The following DSCAM variants were observed in gnomAD, a reference collection of about 807,000 sequenced individuals.
DSCAM encodes DS cell adhesion molecule.
DSCAM carries 47 observed loss-of-function variants against 217.7 expected under a neutral mutation model. That is an observed-to-expected ratio of 0.22 (90% CI 0.17 to 0.28). DSCAM has a LOEUF of 0.28. DSCAM is among the 10% of genes least tolerant of loss of function. DSCAM has a pLI of 1.00. For synonymous variants in DSCAM, 1,056 were observed against 1,015.3 expected (o/e 1.04, Z -0.76); for missense variants, 2,080 against 2,618.3 (o/e 0.79, Z 4.49).
intron 3 of DSCAM, among the ~76,000 whole-genome samples, chr21:40,511,025 A>G (rs1202956735): frequency 6.6e-6 from 1 of 152,210 alleles, no homozygotes; most frequent in Non-Finnish European, 1.5e-5. Context: ...ATTCTACAAA[A>G]TTCCTGACCT....
intron 18 of DSCAM, among the ~76,000 whole-genome samples, chr21:40,136,957 G>A (rs1380955769): frequency 1.3e-5 from 2 of 151,976 alleles, no homozygotes; most frequent in East Asian, 1.9e-4. Flanking sequence ...GGTGGATCAC[G>A]AGGTCAAGAC....
chr21:40,303,544 T>C (rs570001313), intron 9 of DSCAM, among the ~76,000 whole-genome samples: 222 of 152,318 alleles, frequency 1.5e-3, no homozygotes, highest in South Asian at 1.7e-3. Context: ...TGACATTGTT[T>C]GTTCATTATC....
chr21:40,816,706 C>T (rs573171018), intron 1 of DSCAM, among the ~76,000 whole-genome samples: 89 of 152,244 alleles, frequency 5.8e-4, no homozygotes, highest in Non-Finnish European at 1.0e-3. Context: ...GAAGTCCTAG[C>T]CCAAGGGGAT....
At position 40,620,368 on chromosome 21, in the gene DSCAM, AAGAAAGAAAGAAAGAAAG is replaced by A. The variant is rs767416674; in HGVS notation, c.508+72424_508+72441del. Reference sequence around the variant, plus strand: ...AAGAGAAAGAGAGAGAAAAAAGAAAAAGAAAGAAAGAAAGAAAGAGAAAGAAAGAAAGAAAGGAGGGAG... The same window carrying A: ...AAGAGAAAGAGAGAGAAAAAAGAAAAAGAAAGAAAGAAAGAAAGGAGGGAG... On this transcript the variant is annotated intron_variant, in intron 3 of 32. Transcript: ENST00000400454. 1.2e-3 allele frequency among the ~76,000 whole-genome samples: 150 copies of A among 124,090 alleles called. 10 individuals are homozygous for A. Among genetic ancestry groups the A allele is most frequent in the Middle Eastern group, 3.8e-3 (1 of 260 alleles). The allele number at this position is 124,090 out of a possible 152,430, so 81.4% of individuals were successfully genotyped here. A position where few individuals can be genotyped will look rare whatever the true frequency, so the allele number is the denominator to read the frequency against.
chr21:40,531,911 T>C (rs1260489347), intron 3 of DSCAM, among the ~76,000 whole-genome samples: 1 of 152,210 alleles, frequency 6.6e-6, no homozygotes, highest in Non-Finnish European at 1.5e-5. Flanking sequence ...GATGAGGTGC[T>C]GGGCTTGGGG....
At chr21:40,356,126 T>C (rs1357421071) in intron 4 of DSCAM, among the ~76,000 whole-genome samples, 1 of 152,202 alleles carries the variant, frequency 6.6e-6, no homozygotes, top group East Asian at 1.9e-4. Flanking sequence ...TGTAATTTCA[T>C]TTCCTTTGGA....
intron 14 of DSCAM, among the ~76,000 whole-genome samples, chr21:40,184,455 T>C (rs1296212950): frequency 2.0e-5 from 3 of 152,110 alleles, no homozygotes; most frequent in African/African-American, 7.2e-5. Context: ...CTGGGACCCA[T>C]GCTGCCCCTT....
intron 19 of DSCAM, among the ~76,000 whole-genome samples, chr21:40,131,633 C>A (rs1601362603): frequency 6.6e-6 from 1 of 152,304 alleles, no homozygotes; most frequent in East Asian, 1.9e-4. Context: ...CCATGTTGGC[C>A]AGGCTGGTCT....
At chr21:40,214,029 T>G (rs1273363583) in intron 11 of DSCAM, among the ~76,000 whole-genome samples, 2 of 152,194 alleles carry the variant, frequency 1.3e-5, no homozygotes, top group East Asian at 3.9e-4. Flanking sequence ...CCCATAGAGC[T>G]TCCTTTCCTA....
intron 1 of DSCAM, among the ~76,000 whole-genome samples, chr21:40,818,460 G>A (rs1413340306): frequency 7.0e-6 from 1 of 142,496 alleles, no homozygotes; most frequent in Non-Finnish European, 1.5e-5. Context: ...GCAGGAGAAT[G>A]GCCTGAACCC....
At chr21:40,040,939 AT>A (rs1461164471) in intron 32 of DSCAM, among the ~76,000 whole-genome samples, 2 of 151,286 alleles carry the variant, frequency 1.3e-5, no homozygotes, top group African/African-American at 4.9e-5. Flanking sequence ...AAAAAAAAAA[AT>A]AGTTGAAATA....
chr21:40,808,377 C>T (rs2091806986), intron 1 of DSCAM, among the ~76,000 whole-genome samples: 1 of 151,964 alleles, frequency 6.6e-6, no homozygotes, highest in African/African-American at 2.4e-5. Context: ...GATAAAAGTG[C>T]AGCTAGAACC....
At chr21:40,748,685 C>G (rs895768339) in intron 1 of DSCAM, among the ~76,000 whole-genome samples, 1 of 151,952 alleles carries the variant, frequency 6.6e-6, no homozygotes, top group African/African-American at 2.4e-5. Context: ...AATGCAATCT[C>G]TATAATAAAA....
At chr21:40,052,405 AT>A (rs1250066545) in intron 29 of DSCAM, among the ~76,000 whole-genome samples, 2 of 152,156 alleles carry the variant, frequency 1.3e-5, no homozygotes, top group Non-Finnish European at 2.9e-5. Context: ...TTAAGCTAAC[AT>A]TGATTTGAAC....
chr21:40,502,812 T>C (rs2076180231), intron 3 of DSCAM, among the ~76,000 whole-genome samples: 1 of 152,226 alleles, frequency 6.6e-6, no homozygotes, highest in African/African-American at 2.4e-5. Flanking sequence ...TTCACAGGTC[T>C]GGCAACTAAG....
In DSCAM at chr21:40,425,551, AC is replaced by A. The variant is rs552733312; in HGVS notation, c.509-56307del. Among the ~76,000 whole-genome samples the A allele has an allele frequency of 2.8e-3, 428 of 151,588 alleles. 7 individuals carry two copies. The highest frequency in any genetic ancestry group is 0.01 in the African/African-American group (416 of 41,314). On this transcript the variant is annotated intron_variant, in intron 3 of 32. Transcript: ENST00000400454. ...TTTTTACCCCCCCCTAAAAAAAAAA[AC>A]ATACAAAAATTAGCTGGGCGTGGTG...
chr21:40,036,548 C>T (rs1332138689), intron 32 of DSCAM, among the ~76,000 whole-genome samples: 1 of 146,826 alleles, frequency 6.8e-6, no homozygotes, highest in Non-Finnish European at 1.5e-5. Flanking sequence ...AAAAAGAGTC[C>T]AGGACCAGAT....
intron 3 of DSCAM, among the ~76,000 whole-genome samples, chr21:40,448,866 C>T (rs1338289291): frequency 6.6e-6 from 1 of 152,116 alleles, no homozygotes; most frequent in Non-Finnish European, 1.5e-5. Flanking sequence ...TAACAAACTG[C>T]CACAAACTTA....
chr21:40,577,511 G>C (rs541112385), intron 3 of DSCAM, among the ~76,000 whole-genome samples: 2 of 152,062 alleles, frequency 1.3e-5, no homozygotes, highest in African/African-American at 4.8e-5. Flanking sequence ...ACTGGCTCTC[G>C]CCCAGTGGCG....
Sources: allele counts gnomAD v4.1 joint callset (sites outside exome capture counted in the v4.1 genomes callset), GRCh38; gene constraint gnomAD v4.1.1; transcripts MANE v1.5; gene names NCBI Gene and HGNC (gene_info 2026-07-23, HGNC 2026-07-21).